The following ZNF600 variants were observed in gnomAD, a reference collection of about 807,000 sequenced individuals.
ZNF600 encodes zinc finger protein 600.
In ZNF600, 4 loss-of-function variants were observed where a neutral mutation model predicts 7.3. That is an observed-to-expected ratio of 0.55 (90% confidence interval 0.27 to 1.25). The LOEUF (loss-of-function observed/expected upper bound fraction) is 1.25. Among genes scored for constraint, ZNF600 ranks in the 50% most tolerant of loss-of-function variants. The probability of loss-of-function intolerance (pLI) is 0.12; values close to 1 mark genes in which losing one functional copy is unlikely to be tolerated. For missense variants in ZNF600, 911 were observed against 922.1 expected (o/e 0.99, Z 0.16); for synonymous variants, 290 against 308.9 (o/e 0.94, Z 0.64).
At chr19:52,811,278 A>G in the ZNF600 span, among the ~76,000 whole-genome samples, 2 of 151,586 alleles carry the variant, frequency 1.3e-5, no homozygotes, top group East Asian at 3.9e-4. Flanking sequence ...TTGGCCTCCC[A>G]AAGAGCCGAG....
At chr19:52,795,310 C>T in the ZNF600 span, among the ~76,000 whole-genome samples, 2 of 152,128 alleles carry the variant, frequency 1.3e-5, no homozygotes, top group Admixed American at 1.3e-4. Flanking sequence ...ATCAAGTACA[C>T]ATTGAAACAA....
chr19:52,779,195 A>G (rs1177632320), intron 1 of ZNF600, among the ~76,000 whole-genome samples: 1 of 152,000 alleles, frequency 6.6e-6, no homozygotes, highest in African/African-American at 2.4e-5. Flanking sequence ...TCCTTCATCA[A>G]TCCCCATCCA....
At chr19:52,786,838 G>T, upstream of ZNF600, 1 of 282,960 alleles carries the variant, frequency 3.5e-6, no homozygotes, top group Non-Finnish European at 7.6e-6. Context: ...GGGTAGAGGC[G>T]GGGCCCCAGG....
the ZNF600 span, among the ~76,000 whole-genome samples, chr19:52,822,074 C>CT: frequency 0.02 from 1,605 of 78,636 alleles, 49 homozygotes; most frequent in East Asian, 0.043. Context: ...TTCTTTTTCC[C>CT]TTTTTTTTTT....
the ZNF600 span, among the ~76,000 whole-genome samples, chr19:52,794,004 G>A: frequency 6.6e-6 from 1 of 152,162 alleles, no homozygotes; most frequent in Admixed American, 6.5e-5. Flanking sequence ...AAGGGAATGT[G>A]TTTGGGGGTT....
chr19:52,780,630 A>C (rs1030794492), intron 1 of ZNF600: 1 of 152,168 alleles, frequency 6.6e-6, no homozygotes, highest in African/African-American at 2.4e-5. Context: ...CGGGAGTCTG[A>C]GGAAGGAGAA....
the ZNF600 span, among the ~76,000 whole-genome samples, chr19:52,814,745 G>C: frequency 1.4e-5 from 2 of 145,880 alleles, no homozygotes; most frequent in Admixed American, 1.4e-4. Context: ...AAATTATCTG[G>C]ACATGGTGGC....
the ZNF600 span, among the ~76,000 whole-genome samples, chr19:52,793,037 G>A: frequency 2.0e-5 from 3 of 152,148 alleles, no homozygotes; most frequent in East Asian, 3.9e-4. Context: ...CACCTGGCCC[G>A]GCCCAATCCT....
the ZNF600 span, chr19:52,800,105 T>A: frequency 6.2e-7 from 1 of 1,613,806 alleles, no homozygotes; most frequent in Non-Finnish European, 8.5e-7. Context: ...AAACCTTACA[T>A]TTGTACGGTT....
At chr19:52,830,102 C>T in the ZNF600 span, among the ~76,000 whole-genome samples, 22 of 152,074 alleles carry the variant, frequency 1.4e-4, no homozygotes, top group African/African-American at 2.2e-4. Context: ...GGAAAAACCC[C>T]GTCTCTACTT....
At chr19:52,832,814 T>C in the ZNF600 span, among the ~76,000 whole-genome samples, 1 of 151,988 alleles carries the variant, frequency 6.6e-6, no homozygotes, top group African/African-American at 2.4e-5. Flanking sequence ...CCCTGTTGCC[T>C]AGGCTGGAGT....
the ZNF600 span, among the ~76,000 whole-genome samples, chr19:52,797,046 T>G: frequency 6.6e-6 from 1 of 152,214 alleles, no homozygotes; most frequent in Non-Finnish European, 1.5e-5. Context: ...GATATGCAAG[T>G]GCCACTTATT....
the ZNF600 span, among the ~76,000 whole-genome samples, chr19:52,827,577 A>ATT: frequency 7.0e-6 from 1 of 143,426 alleles, no homozygotes; most frequent in Non-Finnish European, 1.5e-5. Flanking sequence ...TAGAAGAAGG[A>ATT]TTTTTTTTTT....
At chr19:52,796,736 GGT>G in the ZNF600 span, among the ~76,000 whole-genome samples, 2 of 152,148 alleles carry the variant, frequency 1.3e-5, no homozygotes, top group African/African-American at 4.8e-5. Context: ...TGAAAGTGCT[GGT>G]ATTACAGGCC....
the ZNF600 span, among the ~76,000 whole-genome samples, chr19:52,827,255 A>G: frequency 6.6e-5 from 10 of 151,866 alleles, no homozygotes; most frequent in Non-Finnish European, 1.2e-4. Flanking sequence ...AAAACAAAAA[A>G]AAAAAAAGAA....
At chr19:52,809,023 T>C in the ZNF600 span, among the ~76,000 whole-genome samples, 5 of 152,190 alleles carry the variant, frequency 3.3e-5, no homozygotes, top group African/African-American at 1.2e-4. Context: ...TATATGTGTG[T>C]GCATGTGTGT....
the ZNF600 span, chr19:52,810,442 A>G: frequency 6.3e-7 from 1 of 1,599,108 alleles, no homozygotes; most frequent in South Asian, 1.1e-5. Flanking sequence ...GGGTTTGCAT[A>G]TATAGAGTTC....
At chr19:52,782,778 A>G (rs1228814179) in intron 1 of ZNF600, among the ~76,000 whole-genome samples, 3 of 152,032 alleles carry the variant, frequency 2.0e-5, no homozygotes, top group Non-Finnish European at 2.9e-5. Flanking sequence ...CGGGAGGCTG[A>G]GACAGAGCAC....
the ZNF600 span, chr19:52,810,297 G>C: frequency 1.4e-5 from 21 of 1,526,340 alleles, no homozygotes; most frequent in Admixed American, 1.7e-4. Flanking sequence ...GAAGATGGAG[G>C]CTGATGCCCG....
Sources: gnomAD v4.1 joint callset for allele counts (sites outside exome capture counted in the v4.1 genomes callset) on GRCh38, gnomAD v4.1.1 for gene constraint, MANE v1.5 for transcripts, NCBI Gene and HGNC (gene_info 2026-07-23, HGNC 2026-07-21) for gene names.